Variants in CCSER1 observed in about 807,000 individuals in gnomAD.
CCSER1 encodes coiled-coil serine rich protein 1.
A neutral mutation model predicts 82.0 loss-of-function variants in CCSER1; 41 were observed. The ratio of observed to expected loss-of-function variants is 0.50; its 90% confidence interval spans 0.39 to 0.65. The LOEUF (loss-of-function observed/expected upper bound fraction) is 0.65, where lower values mean the gene tolerates loss of function less well. Ranked by LOEUF, CCSER1 falls within the 30% of genes least tolerant of loss-of-function variation. CCSER1 has a pLI of 0.00. For synonymous variants in CCSER1, 414 were observed against 383.9 expected (o/e 1.08, Z -0.92); for missense variants, 1,119 against 1,064.2 (o/e 1.05, Z -0.72).
intron 1 of CCSER1, among the ~76,000 whole-genome samples, chr4:90,145,903 G>T (rs941761615): frequency 6.6e-6 from 1 of 151,936 alleles, no homozygotes; most frequent in East Asian, 1.9e-4. Flanking sequence ...TTGTCTTAGG[G>T]TACCTTTTTT....
chr4:91,131,304 T>G (rs781022329), intron 10 of CCSER1, among the ~76,000 whole-genome samples: 2 of 150,864 alleles, frequency 1.3e-5, no homozygotes, highest in Non-Finnish European at 3.0e-5. Flanking sequence ...TAATTTTGTC[T>G]CCTTTAATCT....
intron 5 of CCSER1, among the ~76,000 whole-genome samples, chr4:90,594,265 C>T (rs1311275998): frequency 6.6e-6 from 1 of 152,040 alleles, no homozygotes; most frequent in Non-Finnish European, 1.5e-5. Context: ...CTCCCATCTC[C>T]CCACGTGTTC....
chr4:90,785,677 A>T (rs1395608730), intron 7 of CCSER1, among the ~76,000 whole-genome samples: 4 of 152,256 alleles, frequency 2.6e-5, no homozygotes, highest in African/African-American at 9.6e-5. Flanking sequence ...TCTCAATCCA[A>T]TGCCAATTAA....
intron 8 of CCSER1, among the ~76,000 whole-genome samples, chr4:90,839,816 A>G (rs568603789): frequency 6.6e-6 from 1 of 152,308 alleles, no homozygotes; most frequent in East Asian, 1.9e-4. Flanking sequence ...ATACTTTAAA[A>G]TTTAAGATGG....
intron 8 of CCSER1, among the ~76,000 whole-genome samples, chr4:90,823,638 G>T (rs994699439): frequency 6.6e-6 from 1 of 151,950 alleles, no homozygotes; most frequent in Non-Finnish European, 1.5e-5. Flanking sequence ...AGAATAGTGT[G>T]TGAACCGTGA....
At chr4:91,003,151 G>A (rs902382297) in intron 9 of CCSER1, among the ~76,000 whole-genome samples, 1 of 152,180 alleles carries the variant, frequency 6.6e-6, no homozygotes, top group African/African-American at 2.4e-5. Flanking sequence ...GGTGGAGGTG[G>A]CAGGGGGGTG....
chr4:91,445,349 AAGAG>A (rs1462050679), intron 10 of CCSER1, among the ~76,000 whole-genome samples: 2 of 151,760 alleles, frequency 1.3e-5, no homozygotes, highest in South Asian at 2.1e-4. Flanking sequence ...GGGAGATAAA[AAGAG>A]AGATATTTGG....
chr4:90,716,081 TA>T lies in CCSER1; in HGVS notation c.1933-7828del, dbSNP rs1232344496. On this transcript the variant is annotated intron_variant, in intron 6 of 10. Transcript: ENST00000509176. Reference sequence around the variant, plus strand: ...TAATATATATATTACCCTATATGTATAAAAATAAATAACTGTATATAAATAT... The same window carrying T: ...TAATATATATATTACCCTATATGTATAAAATAAATAACTGTATATAAATAT... 4.6e-5 allele frequency among the ~76,000 whole-genome samples: 7 copies of T among 151,376 alleles called. No homozygotes were observed. In the East Asian group the frequency reaches 1.2e-3, roughly 25 times the overall value.
chr4:91,430,369 ATTTAC>A (rs1318049003), intron 10 of CCSER1, among the ~76,000 whole-genome samples: 1 of 152,176 alleles, frequency 6.6e-6, no homozygotes, highest in African/African-American at 2.4e-5. Flanking sequence ...TAGATTTTAA[ATTTAC>A]TTTACTACAG....
At chr4:91,229,174 A>G (rs116025728) in intron 10 of CCSER1, among the ~76,000 whole-genome samples, 1,910 of 152,102 alleles carry the variant, frequency 0.013, 39 homozygotes, top group African/African-American at 0.044. Flanking sequence ...TTCGCACACA[A>G]AACCTTGTGT....
chr4:90,570,436 C>T (rs1460135240), intron 5 of CCSER1, among the ~76,000 whole-genome samples: 2 of 152,070 alleles, frequency 1.3e-5, no homozygotes, highest in Non-Finnish European at 2.9e-5. Context: ...TGCCACTACC[C>T]TGCCTAAGGA....
At chr4:90,871,695 A>G (rs1392037107) in intron 8 of CCSER1, among the ~76,000 whole-genome samples, 4 of 151,824 alleles carry the variant, frequency 2.6e-5, no homozygotes, top group Non-Finnish European at 4.4e-5. Context: ...TCTATAGTCC[A>G]GATTAAGTCT....
chr4:90,402,166 C>T (rs988202539), intron 4 of CCSER1, among the ~76,000 whole-genome samples: 3 of 152,236 alleles, frequency 2.0e-5, no homozygotes, highest in African/African-American at 7.2e-5. Flanking sequence ...GGAGATTCTG[C>T]AAGATAAATG....
chr4:91,335,458 A>G (rs900373746), intron 10 of CCSER1, among the ~76,000 whole-genome samples: 1 of 152,110 alleles, frequency 6.6e-6, no homozygotes, highest in Non-Finnish European at 1.5e-5. Flanking sequence ...GGTTTTACTG[A>G]GCTTTTTCTC....
chr4:90,688,843 C>G (rs765599682), intron 6 of CCSER1, among the ~76,000 whole-genome samples: 7 of 151,940 alleles, frequency 4.6e-5, no homozygotes, highest in African/African-American at 1.5e-4. Context: ...TTTCAGATTC[C>G]GAGGCATCTC....
intron 9 of CCSER1, among the ~76,000 whole-genome samples, chr4:91,047,281 A>T (rs998091443): frequency 6.6e-6 from 1 of 152,190 alleles, no homozygotes; most frequent in African/African-American, 2.4e-5. Flanking sequence ...AAGCATATGT[A>T]TAACACATAC....
At chr4:90,437,979 C>G (rs539222888) in intron 4 of CCSER1, among the ~76,000 whole-genome samples, 183 of 152,160 alleles carry the variant, frequency 1.2e-3, no homozygotes, top group Non-Finnish European at 2.3e-3. Flanking sequence ...CTGGGTTTAC[C>G]ACTTAGTAGC....
intron 10 of CCSER1, among the ~76,000 whole-genome samples, chr4:91,541,171 T>C (rs1183442487): frequency 1.3e-5 from 2 of 152,234 alleles, no homozygotes; most frequent in Non-Finnish European, 2.9e-5. Context: ...TCCTATTCTA[T>C]GAAACATAGA....
intron 5 of CCSER1, among the ~76,000 whole-genome samples, chr4:90,510,272 T>C (rs1771308016): frequency 6.6e-6 from 1 of 152,182 alleles, no homozygotes; most frequent in Non-Finnish European, 1.5e-5. Context: ...GAGACTGAGA[T>C]CAATAAAGGT....
Sources: gnomAD v4.1 joint callset for allele counts (sites outside exome capture counted in the v4.1 genomes callset) on GRCh38, gnomAD v4.1.1 for gene constraint, MANE v1.5 for transcripts, NCBI Gene and HGNC (gene_info 2026-07-23, HGNC 2026-07-21) for gene names.